The following AR variants were observed in gnomAD, a reference collection of about 807,000 sequenced individuals.
AR encodes dihydrotestosterone receptor.
A neutral mutation model predicts 53.9 loss-of-function variants in AR; 8 were observed. The ratio of observed to expected loss-of-function variants is 0.15; its 90% CI spans 0.09 to 0.27. AR has a LOEUF of 0.27. Among genes scored for constraint, AR ranks in the 10% least tolerant of loss-of-function variants. The probability of loss-of-function intolerance (pLI) is 1.00; values close to 1 mark genes in which losing one functional copy is unlikely to be tolerated. For missense variants in AR, 639 were observed against 742.5 expected, an observed-to-expected ratio of 0.86 and a Z score of 1.62; for synonymous variants, 359 against 316.4, an observed-to-expected ratio of 1.13 and a Z score of -1.43.
chrX:67,693,249 TG>T (rs1332517951), intron 3 of AR, among the ~76,000 whole-genome samples: 1 of 112,469 alleles, frequency 8.9e-6, no homozygotes, highest in Non-Finnish European at 1.9e-5. Flanking sequence ...ATTTTATTGT[TG>T]TTTACTTTTA....
intron 1 of AR, among the ~76,000 whole-genome samples, chrX:67,635,379 C>A (rs1458576432): frequency 9.0e-6 from 1 of 111,453 alleles, no homozygotes; most frequent in Non-Finnish European, 1.9e-5. Context: ...TGGTGGGCTC[C>A]AAATCCTTGT....
chrX:67,699,812 C>G (rs2076035311), intron 3 of AR, among the ~76,000 whole-genome samples: 1 of 111,286 alleles, frequency 9.0e-6, no homozygotes. Context: ...ACTTTGGAAA[C>G]TTCACGCCAC....
intron 1 of AR, among the ~76,000 whole-genome samples, chrX:67,584,144 A>G (rs1159210586): frequency 8.9e-6 from 1 of 111,915 alleles, no homozygotes; most frequent in Non-Finnish European, 1.9e-5. Context: ...CCTGGAAAGA[A>G]AATATATTGT....
At chrX:67,696,674 G>A (rs1419444364) in intron 3 of AR, among the ~76,000 whole-genome samples, 5 of 111,119 alleles carry the variant, frequency 4.5e-5, no homozygotes, top group Non-Finnish European at 9.4e-5. Context: ...TCTTGCCTGG[G>A]GGAATTTGGC....
chrX:67,705,202 T>C (rs756526342), intron 3 of AR, among the ~76,000 whole-genome samples: 1 of 111,812 alleles, frequency 8.9e-6, no homozygotes, highest in East Asian at 2.8e-4. Context: ...GATAGCTTGA[T>C]GGGGATGGCA....
intron 1 of AR, among the ~76,000 whole-genome samples, chrX:67,561,101 T>C (rs1921281542): frequency 8.9e-6 from 1 of 112,434 alleles, no homozygotes; most frequent in South Asian, 3.7e-4. Context: ...TGTTAATGTC[T>C]GATAACGTCC....
In AR at chrX:67,719,849, G is replaced by C. The variant is rs183357370; in HGVS notation, c.2319-1984G>C. Among the ~76,000 whole-genome samples the C allele has an allele frequency of 1.1e-3, 127 of 111,786 alleles. 1 individual carries two copies. Among genetic ancestry groups the C allele is most frequent in the African/African-American group, 4.1e-3 (127 of 30,788 alleles). ...AGCCTTCCTAAGGTGCTAATGGGGA[G>C]CCTCAGACCCAAAGAGAGAGAGAAG... On this transcript the variant is annotated intron_variant, in intron 5 of 7. Coordinates refer to ENST00000374690, the MANE Select transcript of AR (RefSeq NM_000044.6).
intron 2 of AR, among the ~76,000 whole-genome samples, chrX:67,647,773 A>C (rs2147442890): frequency 8.9e-6 from 1 of 111,875 alleles, no homozygotes; most frequent in South Asian, 3.7e-4. Flanking sequence ...TGTAGATCAT[A>C]TGGTCTCTGT....
Position 67,725,312 on chromosome X carries a change from G to T in AR, c.*1471G>T, listed in dbSNP as rs145313352. 1.0e-4 allele frequency: 18 copies of T among 173,599 alleles called. No homozygotes were observed. The highest frequency in any genetic ancestry group is 5.3e-4 in the African/African-American group (18 of 33,822). 14.3% of individuals were successfully genotyped at this position (173,599 alleles called of 1,213,427 possible). On this transcript the variant is annotated 3_prime_UTR_variant, in exon 8 of 8. Coordinates refer to ENST00000374690, the MANE Select transcript of AR (RefSeq NM_000044.6). Reference sequence around the variant, plus strand: ...ATCGCTGGAGCCCTTAGACAAACTGGAAAGAAGGCATCAAAGGGATCAGGC... The same window carrying T: ...ATCGCTGGAGCCCTTAGACAAACTGTAAAGAAGGCATCAAAGGGATCAGGC...
At chrX:67,550,323 C>G (rs1212826680) in intron 1 of AR, among the ~76,000 whole-genome samples, 1 of 111,703 alleles carries the variant, frequency 9.0e-6, no homozygotes, top group East Asian at 2.8e-4. Context: ...AAATAATATA[C>G]TGGATTTGCT....
Position 67,544,800 on chromosome X carries a change from T to G in AR, c.-347T>G. 1 of 208,625 alleles carries G rather than the reference T, an allele frequency of 4.8e-6. No homozygotes were observed. 17.2% of individuals were successfully genotyped at this position (208,625 alleles called of 1,213,427 possible). A position where few individuals can be genotyped will look rare whatever the true frequency, so the allele number is the denominator to read the frequency against. ...AAGAAAAAGATAATAACTCAGTTCT[T>G]ATTTGCACCTACTTCAGTGGACACT... On this transcript the variant is annotated 5_prime_UTR_variant, in exon 1 of 8. Transcript: ENST00000374690.
intron 1 of AR, among the ~76,000 whole-genome samples, chrX:67,587,974 T>A (rs183006350): frequency 5.2e-4 from 58 of 110,777 alleles, no homozygotes; most frequent in Admixed American, 4.8e-3. Context: ...TGAAATGCAC[T>A]GCTCTTGCAA....
intron 3 of AR, among the ~76,000 whole-genome samples, chrX:67,693,442 CTGTT>C (rs1234505321): frequency 1.8e-5 from 2 of 112,239 alleles, no homozygotes; most frequent in Non-Finnish European, 3.8e-5. Context: ...CGTTGGTAAC[CTGTT>C]TGTTTAAAAC....
At chrX:67,695,151 A>G in intron 3 of AR, 1 of 759,769 alleles carries the variant, frequency 1.3e-6, no homozygotes, top group Non-Finnish European at 1.6e-6. Flanking sequence ...ATGGGACTCA[A>G]GGTGTCACCT....
intron 2 of AR, among the ~76,000 whole-genome samples, chrX:67,652,002 G>A (rs1305435551): frequency 9.0e-6 from 1 of 111,535 alleles, no homozygotes; most frequent in African/African-American, 3.3e-5. Flanking sequence ...AGGATGTGTG[G>A]CTATAAATGT....
At chrX:67,681,847 T>C (rs2075936089) in intron 2 of AR, among the ~76,000 whole-genome samples, 1 of 112,151 alleles carries the variant, frequency 8.9e-6, no homozygotes, top group African/African-American at 3.2e-5. Context: ...TAATCTGAGA[T>C]TTGTAACCTT....
intron 1 of AR, among the ~76,000 whole-genome samples, chrX:67,627,369 C>A (rs1602203347): frequency 2.7e-5 from 3 of 112,238 alleles, no homozygotes; most frequent in African/African-American, 9.7e-5. Flanking sequence ...ATTTGCATTT[C>A]TCTGATGGCC....
chrX:67,575,106 G>A (rs1921991971), intron 1 of AR, among the ~76,000 whole-genome samples: 1 of 110,920 alleles, frequency 9.0e-6, no homozygotes, highest in South Asian at 3.9e-4. Context: ...ATGAGAATTG[G>A]GCCAAGATTT....
chrX:67,682,355 G>A lies in AR; in HGVS notation c.1769-3655G>A, dbSNP rs751469515. 6.3e-5 allele frequency among the ~76,000 whole-genome samples: 7 copies of A among 111,489 alleles called. No homozygotes were observed. In the East Asian group the frequency reaches 2.0e-3, roughly 32 times the overall value. On this transcript the variant is annotated intron_variant, in intron 2 of 7. Transcript: ENST00000374690. Reference sequence around the variant, plus strand: ...GCTGGAGTGCAGTACCACAATCACAGCTTACTTCAGCCACGACCTCCCAGG... The same window carrying A: ...GCTGGAGTGCAGTACCACAATCACAACTTACTTCAGCCACGACCTCCCAGG...
Sources: allele counts gnomAD v4.1 joint callset (sites outside exome capture counted in the v4.1 genomes callset), GRCh38; gene constraint gnomAD v4.1.1; transcripts MANE v1.5; gene names NCBI Gene and HGNC (gene_info 2026-07-23, HGNC 2026-07-21).